The following ANK3 variants were observed in gnomAD, a reference collection of about 807,000 sequenced individuals.
ANK3 encodes ankyrin 3.
A neutral mutation model predicts 370.9 loss-of-function variants in ANK3; 57 were observed. That is an observed-to-expected ratio of 0.15 (90% CI 0.12 to 0.19). ANK3 has a LOEUF of 0.19. Ranked by LOEUF, ANK3 falls within the 10% of genes least tolerant of loss-of-function variation. ANK3 has a pLI of 1.00. For missense variants in ANK3, 4,439 were observed against 5,302.1 expected, an observed-to-expected ratio of 0.84 and a Z score of 5.06; for synonymous variants, 1,929 against 1,946.3, an observed-to-expected ratio of 0.99 and a Z score of 0.23.
At chr10:60,099,959 G>A (rs949066825) in intron 28 of ANK3, among the ~76,000 whole-genome samples, 6 of 151,752 alleles carry the variant, frequency 4.0e-5, no homozygotes, top group African/African-American at 1.5e-4. Flanking sequence ...GGGGTGGGGG[G>A]CAGGATGGCT....
chr10:60,085,674 G>A (rs958130105), intron 30 of ANK3, among the ~76,000 whole-genome samples: 5 of 143,212 alleles, frequency 3.5e-5, no homozygotes, highest in African/African-American at 1.0e-4. Flanking sequence ...GGAGTGCAAT[G>A]GTGCGATCTC....
chr10:60,397,646 A>T (rs1028846512), intron 2 of ANK3, among the ~76,000 whole-genome samples: 1 of 152,188 alleles, frequency 6.6e-6, no homozygotes, highest in Admixed American at 6.5e-5. Context: ...AAGTGTTAGC[A>T]GGTTTTCTCT....
intron 2 of ANK3, among the ~76,000 whole-genome samples, chr10:60,534,495 AT>A (rs2076679265): frequency 6.6e-6 from 1 of 151,968 alleles, no homozygotes; most frequent in Non-Finnish European, 1.5e-5. Context: ...GGATATATAT[AT>A]TTTTTCTAAT....
At chr10:60,397,051 T>C (rs2063256083) in intron 2 of ANK3, among the ~76,000 whole-genome samples, 1 of 152,164 alleles carries the variant, frequency 6.6e-6, no homozygotes, top group African/African-American at 2.4e-5. Flanking sequence ...GAGATTGTAT[T>C]TGAAGATTCA....
chr10:60,405,531 G>C (rs997907147), intron 2 of ANK3, among the ~76,000 whole-genome samples: 1 of 152,124 alleles, frequency 6.6e-6, no homozygotes, highest in African/African-American at 2.4e-5. Context: ...AAATTTTCTG[G>C]GGTGATAGTA....
intron 2 of ANK3, among the ~76,000 whole-genome samples, chr10:60,601,315 GA>G (rs75118223): frequency 0.036 from 5,202 of 144,244 alleles, 262 homozygotes; most frequent in African/African-American, 0.12. Context: ...TGGAAAGAGA[GA>G]AAAAAAAAAA....
At chr10:60,348,311 C>G (rs1456310420) in intron 1 of ANK3, among the ~76,000 whole-genome samples, 3 of 130,804 alleles carry the variant, frequency 2.3e-5, no homozygotes, top group Non-Finnish European at 4.6e-5. Flanking sequence ...ATATCTATGT[C>G]TTATCTGTCA....
intron 36 of ANK3, among the ~76,000 whole-genome samples, chr10:60,076,844 C>A (rs1488121606): frequency 6.6e-6 from 1 of 152,110 alleles, no homozygotes; most frequent in Non-Finnish European, 1.5e-5. Flanking sequence ...ATATCAGTAG[C>A]CATTCTATTT....
intron 1 of ANK3, among the ~76,000 whole-genome samples, chr10:60,723,830 C>T (rs1220639576): frequency 6.6e-6 from 1 of 152,006 alleles, no homozygotes; most frequent in East Asian, 1.9e-4. Context: ...GAAAAGCAAT[C>T]TGATGATGTG....
At position 60,073,044 on chromosome 10, in the gene ANK3, C is replaced by T. The variant is rs748542017; in HGVS notation, c.7837G>A (p.Ala2613Thr). The change falls in exon 37 of 44, where the codon GCA (alanine) becomes ACA (threonine). Residue 2613 changes from alanine (A) to threonine (T), a missense_variant. Ala to Thr is a moderately conservative substitution (Grantham distance 58). Transcript: ENST00000280772. ...NDELQSPEKK[A>T]RPKNGKEYSS... ...TATTCTTTGCCATTTTTAGGGCGTGCCTTTTTCTCTGGGGACTGCAGTTCA... is the reference window on the plus strand; with the variant it reads ...TATTCTTTGCCATTTTTAGGGCGTGTCTTTTTCTCTGGGGACTGCAGTTCA... 9 of 1,613,982 alleles carry T rather than the reference C, an allele frequency of 5.6e-6. No homozygotes were observed. Among genetic ancestry groups the T allele is most frequent in the Non-Finnish European group, 5.9e-6 (7 of 1,180,016 alleles).
In ANK3 at chr10:60,074,927, GGA is replaced by G. The variant is rs2083447909; in HGVS notation, c.5952_5953del (p.Pro1985Ter). ...ACTAAATTCTATCCAGTCATCTTCAGGAGAGTGTCCTTTGTCACTCTTTGGTG... is the reference window on the plus strand; with the variant it reads ...ACTAAATTCTATCCAGTCATCTTCAGGAGTGTCCTTTGTCACTCTTTGGTG... On this transcript the variant is annotated frameshift_variant, in exon 37 of 44. Transcript: ENST00000280772. LOFTEE classifies it high-confidence loss of function. The G allele has an allele frequency of 6.2e-7, 1 of 1,613,964 alleles. No individual in the cohort carries two copies. The highest frequency in any genetic ancestry group is 1.3e-5 in the African/African-American group (1 of 74,902).
chr10:60,186,515 G>T (rs968170798), intron 17 of ANK3, 200 bp downstream of exon 17: 7 of 658,764 alleles, frequency 1.1e-5, no homozygotes, highest in African/African-American at 1.8e-5. Flanking sequence ...AGCAACTGGC[G>T]CATTGACCAT....
chr10:60,236,972 T>C (rs1397051016), intron 7 of ANK3, among the ~76,000 whole-genome samples: 1 of 152,224 alleles, frequency 6.6e-6, no homozygotes, highest in Non-Finnish European at 1.5e-5. Flanking sequence ...TAAAACTTTA[T>C]TTATAAAAAC....
intron 1 of ANK3, among the ~76,000 whole-genome samples, chr10:60,687,859 T>C (rs1468948731): frequency 1.3e-5 from 2 of 152,174 alleles, no homozygotes; most frequent in African/African-American, 4.8e-5. Flanking sequence ...TATATATATA[T>C]AGAATGGAAT....
At position 60,698,911 on chromosome 10, in the gene ANK3, T is replaced by C. The variant is rs185858746; in HGVS notation, c.57+34352A>G. On this transcript the variant is annotated intron_variant, in intron 1 of 43. Coordinates refer to the ANK3 transcript ENST00000373827. ...AAAACTTAAAGTATAATAATAATAA[T>C]AATAATAATAAAGAAAAATAAATAA... is the stretch of plus-strand genomic sequence containing the variant. Among the ~76,000 whole-genome samples, 417 of 148,802 alleles carry C rather than the reference T, an allele frequency of 2.8e-3. 2 individuals are homozygous for C. The highest frequency in any genetic ancestry group is 9.9e-3 in the African/African-American group (405 of 40,782).
chr10:60,715,200 T>A (rs191911326), intron 1 of ANK3, among the ~76,000 whole-genome samples: 1 of 133,484 alleles, frequency 7.5e-6, no homozygotes, highest in African/African-American at 2.9e-5. Context: ...CTATTATATA[T>A]ATTTACATAT....
intron 8 of ANK3, among the ~76,000 whole-genome samples, chr10:60,218,464 T>C (rs1364078547): frequency 6.6e-6 from 1 of 152,216 alleles, no homozygotes; most frequent in Non-Finnish European, 1.5e-5. Context: ...AGAGCTGTTG[T>C]AAGGCAGGCC....
Position 60,070,354 on chromosome 10 carries a change from A to G in ANK3, c.10527T>C (p.His3509=), listed in dbSNP as rs1434771871. The change falls in exon 37 of 44, where the codon CAT becomes CAC. Residue 3509 remains histidine, a synonymous_variant. Transcript: ENST00000280772. The surrounding 1 kb of genome is among the most constrained non-coding windows in gnomAD (Gnocchi z 5.7). ...TATCAGGAAACACTGATCTGTCAGG[A>G]TGTCTGCCTTCCAGTGTGAAGAACT... ...GAQFFTLEGR[H]PDRSVFPDTY... is the part of the protein sequence containing the mutation. 6.2e-7 allele frequency: 1 copy of G among 1,614,006 alleles called. No individual in the cohort carries two copies. The highest frequency in any genetic ancestry group is 8.5e-7 in the Non-Finnish European group (1 of 1,180,000).
chr10:60,650,536 A>G (rs1327399127), intron 1 of ANK3, among the ~76,000 whole-genome samples: 6 of 152,204 alleles, frequency 3.9e-5, no homozygotes, highest in Admixed American at 3.9e-4. Context: ...AGTACAATAG[A>G]CATTGGCATG....
Sources: allele counts gnomAD v4.1 joint callset (sites outside exome capture counted in the v4.1 genomes callset), GRCh38; gene constraint gnomAD v4.1.1; non-coding constraint Gnocchi (gnomAD v3.1); transcripts MANE v1.5; gene names NCBI Gene and HGNC (gene_info 2026-07-23, HGNC 2026-07-21).